Variants in FOXN1 observed in about 807,000 individuals in gnomAD.
FOXN1 encodes forkhead box N1, also known as forkhead box protein N1.
Under a neutral mutation model 49.0 loss-of-function variants are expected in FOXN1, and 15 were observed. The ratio of observed to expected loss-of-function variants is 0.31; its 90% confidence interval spans 0.20 to 0.47. The LOEUF is 0.47. Among genes scored for constraint, FOXN1 ranks in the 20% least tolerant of loss-of-function variants. The probability of loss-of-function intolerance (pLI) is 1.00; values close to 1 mark genes in which losing one functional copy is unlikely to be tolerated. For synonymous variants in FOXN1, 356 were observed against 369.0 expected (o/e 0.96, Z 0.40); for missense variants, 800 against 842.8 (o/e 0.95, Z 0.63).
intron 1 of FOXN1, among the ~76,000 whole-genome samples, chr17:28,510,511 A>G (rs1013930842): frequency 2.7e-5 from 4 of 149,242 alleles, no homozygotes; most frequent in African/African-American, 5.0e-5. Context: ...CCCGGACTGC[A>G]CCAGCCCATC....
intron 1 of FOXN1, among the ~76,000 whole-genome samples, chr17:28,512,594 C>A (rs1389304820): frequency 6.6e-6 from 1 of 152,232 alleles, no homozygotes; most frequent in African/African-American, 2.4e-5. Flanking sequence ...CAAAGCAAGA[C>A]CCCATCTCTA....
At chr17:28,530,099 G>A (rs532416549) in intron 5 of FOXN1, among the ~76,000 whole-genome samples, 1 of 151,920 alleles carries the variant, frequency 6.6e-6, no homozygotes, top group Admixed American at 6.5e-5. Context: ...CGGGTTGACG[G>A]GTGTAGCAAA....
chr17:28,522,437 A>G (rs567378610), intron 1 of FOXN1, among the ~76,000 whole-genome samples: 1 of 152,330 alleles, frequency 6.6e-6, no homozygotes, highest in East Asian at 1.9e-4. Flanking sequence ...ATCTGAGGTC[A>G]GGAGTTGGAG....
intron 5 of FOXN1, among the ~76,000 whole-genome samples, chr17:28,530,036 G>T (rs2069872339): frequency 6.6e-6 from 1 of 151,956 alleles, no homozygotes; most frequent in Non-Finnish European, 1.5e-5. Context: ...AAAATGTCAG[G>T]GGTTGGGGGC....
chr17:28,530,763 T>A lies in FOXN1; in HGVS notation c.845T>A (p.Met282Lys). The change falls in exon 6 of 9, where the codon ATG (methionine) becomes AAG (lysine). Residue 282 changes from methionine (M) to lysine (K), a missense_variant. By Grantham distance (95) the Met-to-Lys change is moderately conservative (BLOSUM62 -1). Around this residue, in one of 3 missense-constraint regions of FOXN1, gnomAD observed 73 missense variants for 118.9 expected, o/e 0.61. Transcript: ENST00000579795. ...PIYSYSILIF[M>K]ALKNSKTGSL... Reference sequence around the variant, plus strand: ...TCTTTCTTCAGCATCCTCATCTTCATGGCCCTTAAGAACAGTAAAACTGGG... The same window carrying A: ...TCTTTCTTCAGCATCCTCATCTTCAAGGCCCTTAAGAACAGTAAAACTGGG... 1 of 1,601,670 alleles carries A rather than the reference T, an allele frequency of 6.2e-7. No individual in the cohort carries two copies. Among genetic ancestry groups the A allele is most frequent in the Non-Finnish European group, 8.6e-7 (1 of 1,168,620 alleles).
intron 1 of FOXN1, among the ~76,000 whole-genome samples, chr17:28,508,028 G>T (rs782588917): frequency 7.0e-5 from 10 of 143,414 alleles, no homozygotes; most frequent in Non-Finnish European, 1.1e-4. Flanking sequence ...GCCCCGCCCC[G>T]CCCGCGCTGC....
Position 28,510,737 on chromosome 17 carries a change from G to A in FOXN1, c.-15+4294G>A, listed in dbSNP as rs368336531. ...GGCAGTGTCCCCAGCTTCCTCTGGA[G>A]AGGGTTCCTGGAGCCCACGTTGGGC... On this transcript the variant is annotated intron_variant, in intron 1 of 8. Transcript: ENST00000579795. 2.3e-3 allele frequency among the ~76,000 whole-genome samples: 353 copies of A among 152,326 alleles called. 7 individuals are homozygous for A. The highest frequency in any genetic ancestry group is 0.022 in the South Asian group (106 of 4,826).
intron 1 of FOXN1, among the ~76,000 whole-genome samples, chr17:28,513,959 A>C (rs1183175254): frequency 6.6e-6 from 1 of 152,106 alleles, no homozygotes; most frequent in Non-Finnish European, 1.5e-5. Flanking sequence ...CAAAGCTGGG[A>C]CCCTCCCTGC....
intron 3 of FOXN1, among the ~76,000 whole-genome samples, chr17:28,525,905 C>T (rs1254419336): frequency 6.6e-6 from 1 of 152,164 alleles, no homozygotes; most frequent in Non-Finnish European, 1.5e-5. Context: ...AGATAGGGCA[C>T]CATCATCTCA....
chr17:28,520,027 G>C lies in FOXN1; in HGVS notation c.-14-3929G>C, dbSNP rs189368483. Among the ~76,000 whole-genome samples the C allele has an allele frequency of 3.9e-5, 6 of 152,130 alleles. No homozygotes were observed. The East Asian group carries it at 1.2e-3, about 29-fold the overall frequency. ...TTATTGAGCATGTACTATGTGTTAA[G>C]CTATTTACAAGCAATATTTTATTAA... On this transcript the variant is annotated intron_variant, in intron 1 of 8. Transcript: ENST00000579795.
intron 1 of FOXN1, among the ~76,000 whole-genome samples, chr17:28,511,344 C>T (rs1296185169): frequency 6.6e-6 from 1 of 152,190 alleles, no homozygotes; most frequent in Non-Finnish European, 1.5e-5. Flanking sequence ...ATGATATGTA[C>T]AGAATGTGAG....
chr17:28,535,267 T>A lies in FOXN1; in HGVS notation c.1627+69T>A. 4 of 1,538,096 alleles carry A rather than the reference T, an allele frequency of 2.6e-6. No individual in the cohort carries two copies. The South Asian group carries it at 3.5e-5, about 13-fold the overall frequency. ...GGAGCACCTGGCAGTGGGACTCATC[T>A]TCTCCAAGTCTCCAGACTGCAGCCT... On this transcript the variant is annotated intron_variant, in intron 8 of 8. Coordinates refer to ENST00000579795, the MANE Select transcript of FOXN1 (RefSeq NM_001369369.1).
intron 2 of FOXN1, 46 bp downstream of exon 2, chr17:28,524,138 C>T: frequency 6.5e-7 from 1 of 1,539,370 alleles, no homozygotes; most frequent in Non-Finnish European, 8.8e-7. Context: ...AGGCCTGCGG[C>T]TGCCCAGGCA....
intron 1 of FOXN1, among the ~76,000 whole-genome samples, chr17:28,518,713 GA>G (rs993952559): frequency 2.0e-5 from 3 of 152,202 alleles, no homozygotes; most frequent in African/African-American, 4.8e-5. Flanking sequence ...CCCAGACGCT[GA>G]AAAGGTCTTT....
chr17:28,535,517 A>C (rs2070041369), intron 8 of FOXN1, among the ~76,000 whole-genome samples: 1 of 152,228 alleles, frequency 6.6e-6, no homozygotes, highest in Non-Finnish European at 1.5e-5. Context: ...TGGGAGGCTG[A>C]GGTGGGCAGA....
Position 28,513,746 on chromosome 17 carries a change from G to A in FOXN1, c.-15+7303G>A, listed in dbSNP as rs543728505. ...GGAGCTGCAGGCTGAATGACTCCCCGAAGCGGTGATGGTGGCCATGACCCA... is the reference window on the plus strand; with the variant it reads ...GGAGCTGCAGGCTGAATGACTCCCCAAAGCGGTGATGGTGGCCATGACCCA... On this transcript the variant is annotated intron_variant, in intron 1 of 8. Transcript: ENST00000579795. 6.6e-5 allele frequency among the ~76,000 whole-genome samples: 10 copies of A among 152,346 alleles called. No homozygotes were observed. The South Asian group carries it at 1.7e-3, about 25-fold the overall frequency.
Position 28,534,971 on chromosome 17 carries a change from C to G in FOXN1, c.1400C>G (p.Pro467Arg), listed in dbSNP as rs761946932. ...TCACCAGGCCTGGCCCCTCCTGGACCCCCGCAGCCATTGTTCCCACAGCCG... is the reference window on the plus strand; with the variant it reads ...TCACCAGGCCTGGCCCCTCCTGGACGCCCGCAGCCATTGTTCCCACAGCCG... The part of the protein sequence containing the change: ...HLSPGLAPPG[P>R]PQPLFPQPDG... The change falls in exon 8 of 9, where the codon CCC (proline) becomes CGC (arginine). Residue 467 changes from proline (P) to arginine (R), a missense_variant. Pro to Arg is a moderately radical substitution (Grantham distance 103). This residue lies in a region of FOXN1 where 344 missense variants were observed against 366.1 expected (regional missense o/e 0.94). Transcript: ENST00000579795. This position sits in a 1 kb window ranked among gnomAD's most constrained non-coding sequence, Gnocchi z 4.1. 1 of 1,614,084 alleles carries G rather than the reference C, an allele frequency of 6.2e-7. No individual in the cohort carries two copies. The highest frequency in any genetic ancestry group is 8.5e-7 in the Non-Finnish European group (1 of 1,179,980).
chr17:28,535,415 T>A (rs1340930962), intron 8 of FOXN1, among the ~76,000 whole-genome samples: 2 of 152,128 alleles, frequency 1.3e-5, no homozygotes, highest in Non-Finnish European at 2.9e-5. Context: ...CCTGTCTCCC[T>A]CCTCCTGGTG....
chr17:28,506,614 C>T (rs2069267559), intron 1 of FOXN1, among the ~76,000 whole-genome samples, 171 bp downstream of exon 1: 2 of 152,336 alleles, frequency 1.3e-5, no homozygotes, highest in South Asian at 4.1e-4. Context: ...GGCCAAGGGG[C>T]ACCCCTTCCC....
Sources: allele counts gnomAD v4.1 joint callset (sites outside exome capture counted in the v4.1 genomes callset), GRCh38; gene constraint gnomAD v4.1.1; regional missense constraint gnomAD v4.1.1; non-coding constraint Gnocchi (gnomAD v3.1); transcripts MANE v1.5; gene names NCBI Gene and HGNC (gene_info 2026-07-23, HGNC 2026-07-21).